ASH1L: variants seen among roughly 807,000 people sequenced by gnomAD.
ASH1L encodes the protein histone-lysine N-methyltransferase ASH1L.
ASH1L carries 23 observed loss-of-function variants against 269.0 expected under a neutral mutation model. The ratio of observed to expected loss-of-function variants is 0.09; its 90% confidence interval spans 0.06 to 0.12. The LOEUF is 0.12. Among genes scored for constraint, ASH1L ranks in the 10% least tolerant of loss-of-function variants. The pLI is 1.00. For missense variants in ASH1L, 2,912 were observed against 3,567.8 expected, an observed-to-expected ratio of 0.82 and a Z score of 4.68; for synonymous variants, 1,187 against 1,253.5, an observed-to-expected ratio of 0.95 and a Z score of 1.12.
At chr1:155,380,387 CTTA>C (rs988688479) in intron 7 of ASH1L, among the ~76,000 whole-genome samples, 11 of 151,808 alleles carry the variant, frequency 7.2e-5, no homozygotes, top group Non-Finnish European at 1.6e-4. Flanking sequence ...CATTATGAAG[CTTA>C]TTAAATATTT....
intron 2 of ASH1L, among the ~76,000 whole-genome samples, chr1:155,498,472 G>A (rs894926488): frequency 2.6e-5 from 4 of 151,832 alleles, no homozygotes; most frequent in East Asian, 1.9e-4. Flanking sequence ...ACAGAGTTTC[G>A]CTTTTGTTGC....
intron 14 of ASH1L, 79 bp from the exon 15 acceptor site, chr1:155,357,489 T>C: frequency 6.3e-7 from 1 of 1,595,674 alleles, no homozygotes; most frequent in Non-Finnish European, 8.6e-7. Context: ...AAAACCACTC[T>C]TAAGATGCCA....
rs1571216667 is a variant in ASH1L, at chr1:155,438,409, T to G, written c.5746A>C (p.Arg1916=). The change falls in exon 5 of 28, where the codon AGA becomes CGA. Residue 1916 remains arginine (R), a synonymous_variant. Coordinates refer to ENST00000392403, the MANE Select transcript of ASH1L (RefSeq NM_018489.3). ...TGTTCTTCCAATAGCCAACCTTTTC[T>G]CTTCAACCCCTTTTTATGTTCTGGG... is the stretch of plus-strand genomic sequence containing the variant. ...LNPEHKKGLK[R]KGWLLEEQTR... 1 of 1,611,830 alleles carries G rather than the reference T, an allele frequency of 6.2e-7. No homozygotes were observed. Among genetic ancestry groups the G allele is most frequent in the East Asian group, 2.2e-5 (1 of 44,880 alleles).
chr1:155,518,027 C>T (rs2148833453), intron 2 of ASH1L, among the ~76,000 whole-genome samples: 1 of 151,934 alleles, frequency 6.6e-6, no homozygotes, highest in South Asian at 2.1e-4. Context: ...GTCTCGATCT[C>T]CTGACCTCGT....
intron 7 of ASH1L, among the ~76,000 whole-genome samples, chr1:155,380,399 TTTA>T (rs753069345): frequency 7.9e-5 from 12 of 151,952 alleles, no homozygotes; most frequent in Non-Finnish European, 1.3e-4. Flanking sequence ...TATTAAATAT[TTTA>T]TTATTATTAA....
chr1:155,401,538 C>A (rs940327629), intron 6 of ASH1L, among the ~76,000 whole-genome samples: 3 of 149,988 alleles, frequency 2.0e-5, no homozygotes, highest in Admixed American at 6.6e-5. Flanking sequence ...TCCCAGCACA[C>A]TGGAAGGCCA....
intron 4 of ASH1L, among the ~76,000 whole-genome samples, 166 bp downstream of exon 4, chr1:155,459,631 C>CCAAGATTCTTGGTAT (rs1664139759): frequency 6.6e-6 from 1 of 152,198 alleles, no homozygotes; most frequent in Non-Finnish European, 1.5e-5. Context: ...ATGTACATTA[C>CCAAGATTCTTGGTAT]TGATTCTCAA....
intron 7 of ASH1L, among the ~76,000 whole-genome samples, chr1:155,390,451 G>C (rs1023115172): frequency 6.6e-6 from 1 of 151,958 alleles, no homozygotes; most frequent in Non-Finnish European, 1.5e-5. Flanking sequence ...AACAGAGGAG[G>C]AAAATAATTT....
At chr1:155,529,317 A>C (rs952417630) in intron 1 of ASH1L, among the ~76,000 whole-genome samples, 1 of 151,388 alleles carries the variant, frequency 6.6e-6, no homozygotes, top group African/African-American at 2.4e-5. Context: ...AATAGTGTAT[A>C]AGCACTCCTT....
chr1:155,428,327 G>T (rs1158085173), intron 5 of ASH1L, among the ~76,000 whole-genome samples: 3 of 139,696 alleles, frequency 2.1e-5, no homozygotes, highest in African/African-American at 8.1e-5. Context: ...TCTAATCCCA[G>T]CTACTCGGGA....
intron 1 of ASH1L, among the ~76,000 whole-genome samples, chr1:155,540,000 T>C (rs1571107188): frequency 6.6e-6 from 1 of 151,628 alleles, no homozygotes; most frequent in Non-Finnish European, 1.5e-5. Context: ...GCCCAGGAGG[T>C]CAAGGCTACA....
intron 1 of ASH1L, among the ~76,000 whole-genome samples, chr1:155,527,003 T>TC (rs1320132836): frequency 6.6e-6 from 1 of 152,168 alleles, no homozygotes; most frequent in Non-Finnish European, 1.5e-5. Context: ...GGTCAGATAC[T>TC]CAAGACCAGC....
At chr1:155,456,889 C>T (rs996568097) in intron 4 of ASH1L, among the ~76,000 whole-genome samples, 3 of 152,204 alleles carry the variant, frequency 2.0e-5, no homozygotes, top group Non-Finnish European at 4.4e-5. Context: ...CCCCCCACCG[C>T]CAAAAGGATT....
chr1:155,474,751 T>C (rs1483168745), intron 3 of ASH1L, among the ~76,000 whole-genome samples: 2 of 152,224 alleles, frequency 1.3e-5, no homozygotes, highest in Non-Finnish European at 2.9e-5. Flanking sequence ...GCTCCTCCTA[T>C]AGTCTTCTCT....
chr1:155,460,868 G>C (rs35264597), intron 3 of ASH1L, among the ~76,000 whole-genome samples: 2 of 151,976 alleles, frequency 1.3e-5, no homozygotes, highest in African/African-American at 4.8e-5. Context: ...CAAATCTATA[G>C]AGCATATTAC....
intron 2 of ASH1L, among the ~76,000 whole-genome samples, chr1:155,491,125 C>T (rs1474166499): frequency 1.3e-5 from 2 of 151,836 alleles, no homozygotes; most frequent in Non-Finnish European, 2.9e-5. Context: ...TGTTCAAGAT[C>T]CTGGTCCATA....
chr1:155,427,234 T>C (rs1415042126), intron 5 of ASH1L, among the ~76,000 whole-genome samples: 1 of 151,172 alleles, frequency 6.6e-6, no homozygotes, highest in Non-Finnish European at 1.5e-5. Context: ...TCCAAGGTTC[T>C]AGCAATTCTG....
intron 21 of ASH1L, among the ~76,000 whole-genome samples, chr1:155,345,053 T>A (rs903080342): frequency 6.6e-6 from 1 of 152,012 alleles, no homozygotes; most frequent in Non-Finnish European, 1.5e-5. Flanking sequence ...GCCTCCAGAT[T>A]CAAGTGAATT....
intron 12 of ASH1L, among the ~76,000 whole-genome samples, chr1:155,368,615 C>T (rs1032504732): frequency 1.3e-5 from 2 of 151,978 alleles, no homozygotes; most frequent in South Asian, 2.1e-4. Flanking sequence ...TACCACCACG[C>T]CCGGCTAATT....
Sources: gnomAD v4.1 joint callset for allele counts (sites outside exome capture counted in the v4.1 genomes callset) on GRCh38, gnomAD v4.1.1 for gene constraint, MANE v1.5 for transcripts, NCBI Gene and HGNC (gene_info 2026-07-23, HGNC 2026-07-21) for gene names.